Variants in SNX29 observed in about 807,000 individuals in gnomAD.
SNX29 encodes sorting nexin-29.
SNX29 carries 78 observed loss-of-function variants against 102.1 expected under a neutral mutation model. That is an observed-to-expected ratio of 0.76 (90% CI 0.64 to 0.92). The LOEUF (loss-of-function observed/expected upper bound fraction) is 0.92. Ranked by LOEUF, SNX29 falls within the 40% of genes least tolerant of loss-of-function variation. The pLI, the probability that SNX29 is intolerant of heterozygous loss-of-function variation, is 0.00. For missense variants in SNX29, 1,280 were observed against 1,061.7 expected, an observed-to-expected ratio of 1.21 and a Z score of -2.86; for synonymous variants, 580 against 414.5, an observed-to-expected ratio of 1.40 and a Z score of -4.85.
At chr16:12,553,300 G>A (rs1214221104) in intron 20 of SNX29, among the ~76,000 whole-genome samples, 2 of 152,198 alleles carry the variant, frequency 1.3e-5, no homozygotes, top group Non-Finnish European at 1.5e-5. Flanking sequence ...AAATGAGTGG[G>A]CACCTGGCCC....
At chr16:12,054,127 C>T (rs1252448444) in intron 8 of SNX29, among the ~76,000 whole-genome samples, 4 of 152,054 alleles carry the variant, frequency 2.6e-5, no homozygotes, top group African/African-American at 9.7e-5. Context: ...GCCACCACGC[C>T]CGGCTAATTT....
chr16:12,498,188 A>G (rs180848195), intron 19 of SNX29, among the ~76,000 whole-genome samples: 66 of 152,320 alleles, frequency 4.3e-4, no homozygotes, highest in African/African-American at 1.5e-3. Context: ...AGCTGAGTTT[A>G]TGGAACAACG....
chr16:12,088,154 T>C (rs2052308890), intron 11 of SNX29: 1 of 456,188 alleles, frequency 2.2e-6, no homozygotes, highest in Admixed American at 2.4e-5. Flanking sequence ...GCAGCAGGCC[T>C]CACAGTGTCA....
chr16:12,144,588 C>T (rs888468639), intron 13 of SNX29, among the ~76,000 whole-genome samples: 1 of 152,190 alleles, frequency 6.6e-6, no homozygotes, highest in Admixed American at 6.5e-5. Flanking sequence ...AAGGTCCTCG[C>T]CAGACGCCAG....
intron 3 of SNX29, among the ~76,000 whole-genome samples, chr16:12,015,432 G>C (rs1410001116): frequency 6.6e-6 from 1 of 151,762 alleles, no homozygotes; most frequent in East Asian, 1.9e-4. Flanking sequence ...TAGAGATGTA[G>C]TTTCCCTATG....
intron 15 of SNX29, among the ~76,000 whole-genome samples, chr16:12,326,078 T>A (rs2151193616): frequency 6.6e-6 from 1 of 151,844 alleles, no homozygotes; most frequent in Non-Finnish European, 1.5e-5. Flanking sequence ...CAGGCTGGAG[T>A]GCAGTGGTGC....
chr16:12,091,667 G>A (rs1461799699), intron 11 of SNX29, among the ~76,000 whole-genome samples: 1 of 150,082 alleles, frequency 6.7e-6, no homozygotes, highest in South Asian at 2.1e-4. Flanking sequence ...TGTTGTCCCA[G>A]CTACTTGGAA....
chr16:12,511,967 G>A (rs1252451839), intron 19 of SNX29, among the ~76,000 whole-genome samples: 1 of 152,034 alleles, frequency 6.6e-6, no homozygotes, highest in Non-Finnish European at 1.5e-5. Flanking sequence ...CACAGTAGCT[G>A]TGACCGTTCA....
intron 19 of SNX29, among the ~76,000 whole-genome samples, chr16:12,501,184 C>G (rs1185339313): frequency 6.6e-6 from 1 of 152,064 alleles, no homozygotes; most frequent in African/African-American, 2.4e-5. Flanking sequence ...TTGGTAGAGG[C>G]TAAGATTTCA....
intron 3 of SNX29, among the ~76,000 whole-genome samples, chr16:12,004,059 C>T (rs1381970907): frequency 1.4e-5 from 2 of 146,230 alleles, no homozygotes; most frequent in South Asian, 2.2e-4. Flanking sequence ...AAATAAAATT[C>T]GGCTGGGCGC....
At chr16:12,281,321 A>C (rs1319675443) in intron 15 of SNX29, among the ~76,000 whole-genome samples, 1 of 152,216 alleles carries the variant, frequency 6.6e-6, no homozygotes, top group Non-Finnish European at 1.5e-5. Context: ...CTTTGAGAGC[A>C]TGAAAGCCAA....
chr16:12,413,667 C>T (rs932752486), intron 18 of SNX29, among the ~76,000 whole-genome samples: 1 of 152,154 alleles, frequency 6.6e-6, no homozygotes, highest in African/African-American at 2.4e-5. Context: ...CTTGTTCATC[C>T]TCTCTCCTGT....
At chr16:12,537,955 A>G (rs974319890) in intron 20 of SNX29, among the ~76,000 whole-genome samples, 2 of 148,314 alleles carry the variant, frequency 1.3e-5, no homozygotes, top group Non-Finnish European at 3.0e-5. Flanking sequence ...ACTGCACTCC[A>G]GCCTGGGCAA....
chr16:12,134,508 A>G (rs775212672), intron 13 of SNX29, among the ~76,000 whole-genome samples: 2 of 152,208 alleles, frequency 1.3e-5, no homozygotes, highest in African/African-American at 2.4e-5. Flanking sequence ...GCTCGTTGCC[A>G]CGTGGGCCTC....
At chr16:12,541,260 A>G (rs1032837083) in intron 20 of SNX29, among the ~76,000 whole-genome samples, 1 of 152,110 alleles carries the variant, frequency 6.6e-6, no homozygotes, top group African/African-American at 2.4e-5. Flanking sequence ...CTTATCAGGG[A>G]GAGAATGACA....
chr16:12,568,629 A>G lies in SNX29; in HGVS notation c.2442A>G (p.Ter814TrpextTer36). Residue 814 changes from the stop codon to tryptophan (W), a stop_lost, in exon 21 of 21, where the codon TGA becomes TGG. Coordinates refer to ENST00000566228, the MANE Select transcript of SNX29 (RefSeq NM_032167.5). ...TGGAGCCCCAGAGCGGTGACCTCTG[A>G]CCTCGACAAAACCGCAGCCACGGGC... ...RNVEPQSGDL[*>W] is the part of the protein sequence containing the mutation. The G allele has an allele frequency of 1.2e-6, 2 of 1,602,420 alleles. No homozygotes were observed. The highest frequency in any genetic ancestry group is 1.7e-5 in the Admixed American group (1 of 59,978).
intron 2 of SNX29, 34 bp downstream of exon 2, chr16:11,999,392 G>A (rs751806327): frequency 8.7e-6 from 14 of 1,605,730 alleles, no homozygotes; most frequent in Admixed American, 6.7e-5. Context: ...CTTTTTGGTC[G>A]AGTAATAGTG....
intron 15 of SNX29, among the ~76,000 whole-genome samples, chr16:12,286,640 C>T (rs1049083863): frequency 2.0e-5 from 3 of 152,092 alleles, no homozygotes; most frequent in South Asian, 4.2e-4. Flanking sequence ...CCACTGTACC[C>T]GGCCCCAAGG....
At chr16:12,281,293 A>AT (rs1461368221) in intron 15 of SNX29, among the ~76,000 whole-genome samples, 3 of 152,100 alleles carry the variant, frequency 2.0e-5, no homozygotes, top group South Asian at 2.1e-4. Context: ...GTTTCTGAGA[A>AT]TTTTTTTATC....
Sources: gnomAD v4.1 joint callset for allele counts (sites outside exome capture counted in the v4.1 genomes callset) on GRCh38, gnomAD v4.1.1 for gene constraint, MANE v1.5 for transcripts, NCBI Gene and HGNC (gene_info 2026-07-23, HGNC 2026-07-21) for gene names.